The following SNX29 variants were observed in gnomAD, a reference collection of about 807,000 sequenced individuals.
SNX29 encodes the protein sorting nexin-29.
Under a neutral mutation model 102.1 loss-of-function variants are expected in SNX29, and 78 were observed. The observed-to-expected ratio is 0.76, with a 90% CI of 0.64 to 0.92. The LOEUF (loss-of-function observed/expected upper bound fraction) is 0.92. SNX29 is among the 40% of genes least tolerant of loss of function. The probability of loss-of-function intolerance (pLI) is 0.00; values close to 1 mark genes in which losing one functional copy is unlikely to be tolerated. For synonymous variants in SNX29, 580 were observed against 414.5 expected (o/e 1.40, Z -4.85); for missense variants, 1,280 against 1,061.7 (o/e 1.21, Z -2.86).
At chr16:12,401,066 C>T (rs773599874) in intron 17 of SNX29, among the ~76,000 whole-genome samples, 7 of 152,098 alleles carry the variant, frequency 4.6e-5, no homozygotes, top group South Asian at 2.1e-4. Flanking sequence ...CTCCTGACCT[C>T]GTGATCCGCC....
intron 14 of SNX29, among the ~76,000 whole-genome samples, chr16:12,219,836 C>T (rs1300592497): frequency 1.3e-5 from 2 of 152,194 alleles, no homozygotes; most frequent in Non-Finnish European, 2.9e-5. Flanking sequence ...GCCAAGCCAC[C>T]TTATAGGTGA....
Position 12,572,422 on chromosome 16 carries a change from G to A in SNX29, c.*3793G>A, listed in dbSNP as rs3948441. ...GAGGCAGGGCTCTGTGGCCCAGGCC[G>A]GCAGTGGCTGCCTCTCTTGGTTCTG... is the stretch of plus-strand genomic sequence containing the variant. On this transcript the variant is annotated 3_prime_UTR_variant, in exon 21 of 21. Coordinates refer to ENST00000566228, the MANE Select transcript of SNX29 (RefSeq NM_032167.5). The A allele has an allele frequency of 0.82, 871,952 of 1,063,154 alleles. 358,300 individuals carry two copies. Among genetic ancestry groups the A allele is most frequent in the African/African-American group, 0.9 (55,027 of 61,054 alleles). 65.9% of individuals were successfully genotyped at this position (1,063,154 alleles called of 1,614,324 possible). A position where few individuals can be genotyped will look rare whatever the true frequency, so the allele number is the denominator to read the frequency against.
At chr16:12,140,457 C>T (rs147560629) in intron 13 of SNX29, among the ~76,000 whole-genome samples, 136 of 152,286 alleles carry the variant, frequency 8.9e-4, no homozygotes, top group African/African-American at 2.9e-3. Context: ...ACCTGAACTC[C>T]GTGGAGCAGG....
chr16:12,439,989 C>G (rs1204948377), intron 18 of SNX29, among the ~76,000 whole-genome samples: 1 of 152,178 alleles, frequency 6.6e-6, no homozygotes, highest in Non-Finnish European at 1.5e-5. Context: ...GGGATGCAGC[C>G]CAACTCTGCC....
chr16:12,438,367 T>G (rs1424122700), intron 18 of SNX29, among the ~76,000 whole-genome samples: 2 of 152,094 alleles, frequency 1.3e-5, no homozygotes, highest in Admixed American at 6.5e-5. Context: ...TTATTTTCTT[T>G]CTGCTGGTGT....
intron 15 of SNX29, among the ~76,000 whole-genome samples, chr16:12,319,239 A>C (rs1354907388): frequency 6.6e-6 from 1 of 152,180 alleles, no homozygotes; most frequent in Non-Finnish European, 1.5e-5. Context: ...GGCCTGTGTT[A>C]GTGAGAACTG....
chr16:12,248,705 G>A (rs113561813), intron 14 of SNX29, among the ~76,000 whole-genome samples: 6,065 of 151,816 alleles, frequency 0.04, 432 homozygotes, highest in African/African-American at 0.14. Context: ...ATGAGCCACC[G>A]CACCCAGCCA....
rs773447021 is a variant in SNX29, at chr16:12,058,493, TG to T, written c.1125-3033del. Among the ~76,000 whole-genome samples, 36 of 128,624 alleles carry T rather than the reference TG, an allele frequency of 2.8e-4. 9 individuals carry two copies. The highest frequency in any genetic ancestry group is 4.2e-4 in the African/African-American group (14 of 33,638). 84.4% of individuals were successfully genotyped at this position (128,624 alleles called of 152,430 possible). A position where few individuals can be genotyped will look rare whatever the true frequency, so the allele number is the denominator to read the frequency against. ...CACTGGTGTTTTTTTTTTTGGTTTT[TG>T]GTTTTTTTTTTTTTTTTGAGATGGA... On this transcript the variant is annotated intron_variant, in intron 8 of 20. Coordinates refer to ENST00000566228, the MANE Select transcript of SNX29 (RefSeq NM_032167.5).
chr16:12,354,242 T>C (rs2082069877), intron 15 of SNX29, among the ~76,000 whole-genome samples: 1 of 152,142 alleles, frequency 6.6e-6, no homozygotes, highest in Non-Finnish European at 1.5e-5. Flanking sequence ...AAACTCAGAG[T>C]TTCAGAGGTT....
chr16:12,266,177 A>G (rs1271284196), intron 14 of SNX29, among the ~76,000 whole-genome samples: 1 of 152,072 alleles, frequency 6.6e-6, no homozygotes, highest in Non-Finnish European at 1.5e-5. Flanking sequence ...CTCCCGCCTC[A>G]GCCTCCCAAA....
chr16:12,041,941 G>GA (rs1254409783), intron 4 of SNX29, among the ~76,000 whole-genome samples: 1 of 152,132 alleles, frequency 6.6e-6, no homozygotes, highest in Non-Finnish European at 1.5e-5. Context: ...GAAAACTCTT[G>GA]AAAATGTCAA....
At chr16:12,344,316 G>A (rs1481125910) in intron 15 of SNX29, among the ~76,000 whole-genome samples, 1 of 152,218 alleles carries the variant, frequency 6.6e-6, no homozygotes, top group Non-Finnish European at 1.5e-5. Context: ...GCATGGTGGT[G>A]TGAGAAAGGA....
rs553634499 is a variant in SNX29, at chr16:12,173,429, A to G, written c.1596-26172A>G. ...GCTCTAATGGCATGCCTGTGTTTCA[A>G]TAAAACTTTATTTACAAAAAACAGA... On this transcript the variant is annotated intron_variant, in intron 13 of 20. Transcript: ENST00000566228. 1.1e-4 allele frequency among the ~76,000 whole-genome samples: 16 copies of G among 152,344 alleles called. No homozygotes were observed. The South Asian group carries it at 1.7e-3, about 16-fold the overall frequency.
chr16:12,219,490 C>T (rs564566187), intron 14 of SNX29, among the ~76,000 whole-genome samples: 52 of 152,222 alleles, frequency 3.4e-4, no homozygotes, highest in African/African-American at 1.2e-3. Context: ...TGATTATTTT[C>T]GCTACCTTGC....
At chr16:11,982,810 C>G (rs895273640) in intron 1 of SNX29, among the ~76,000 whole-genome samples, 3 of 152,174 alleles carry the variant, frequency 2.0e-5, no homozygotes, top group Non-Finnish European at 2.9e-5. Flanking sequence ...ATTTGTGTAA[C>G]AGATGAGCTC....
intron 11 of SNX29, among the ~76,000 whole-genome samples, chr16:12,109,079 G>A (rs1444900083): frequency 8.1e-6 from 1 of 123,460 alleles, no homozygotes; most frequent in Non-Finnish European, 1.6e-5. Flanking sequence ...AGTGATCCCA[G>A]ATCATGCCAT....
Position 12,235,127 on chromosome 16 carries a change from C to A in SNX29, c.1678+35444C>A, listed in dbSNP as rs143048610. On this transcript the variant is annotated intron_variant, in intron 14 of 20. Coordinates refer to ENST00000566228, the MANE Select transcript of SNX29 (RefSeq NM_032167.5). ...TTTCATTTTTCTTTAACTTTTTCTTCTAAGCTGTTGACCTTATCAGATGAA... is the reference window on the plus strand; with the variant it reads ...TTTCATTTTTCTTTAACTTTTTCTTATAAGCTGTTGACCTTATCAGATGAA... 3.0e-3 allele frequency among the ~76,000 whole-genome samples: 460 copies of A among 151,974 alleles called. 7 individuals carry two copies. The highest frequency in any genetic ancestry group is 0.027 in the Admixed American group (415 of 15,266).
intron 3 of SNX29, among the ~76,000 whole-genome samples, chr16:12,012,705 C>T (rs1200152842): frequency 6.6e-6 from 1 of 152,090 alleles, no homozygotes. Context: ...CCGTGCCTGG[C>T]AGGGCATTAT....
intron 18 of SNX29, among the ~76,000 whole-genome samples, chr16:12,441,283 T>A (rs1039833782): frequency 5.3e-5 from 8 of 151,714 alleles, no homozygotes; most frequent in Non-Finnish European, 7.4e-5. Context: ...AGAGACGGGG[T>A]TTCACTGTGT....
Sources: gnomAD v4.1 joint callset for allele counts (sites outside exome capture counted in the v4.1 genomes callset) on GRCh38, gnomAD v4.1.1 for gene constraint, MANE v1.5 for transcripts, NCBI Gene and HGNC (gene_info 2026-07-23, HGNC 2026-07-21) for gene names.